The following AIG1 variants were observed in gnomAD, a reference collection of about 807,000 sequenced individuals.
AIG1 encodes androgen induced 1.
A neutral mutation model predicts 31.4 loss-of-function variants in AIG1; 23 were observed. That is an observed-to-expected ratio of 0.73 (90% CI 0.53 to 1.04). AIG1 has a LOEUF of 1.04. Among genes scored for constraint, AIG1 ranks in the 50% least tolerant of loss-of-function variants. AIG1 has a pLI of 0.00. For missense variants in AIG1, 274 were observed against 295.0 expected, an observed-to-expected ratio of 0.93 and a Z score of 0.52; for synonymous variants, 100 against 110.5, an observed-to-expected ratio of 0.90 and a Z score of 0.60.
chr6:143,220,975 G>T (rs1292530317), intron 3 of AIG1, among the ~76,000 whole-genome samples: 1 of 152,016 alleles, frequency 6.6e-6, no homozygotes, highest in African/African-American at 2.4e-5. Context: ...TTGGGGTCTG[G>T]ATATCACTAG....
chr6:143,245,371 G>C (rs1287520677), intron 3 of AIG1, among the ~76,000 whole-genome samples: 1 of 152,170 alleles, frequency 6.6e-6, no homozygotes, highest in African/African-American at 2.4e-5. Context: ...TTCCAGAGAA[G>C]ATTTTGAGTG....
intron 4 of AIG1, among the ~76,000 whole-genome samples, chr6:143,289,629 T>G (rs1259402100): frequency 1.3e-5 from 2 of 152,212 alleles, no homozygotes; most frequent in African/African-American, 4.8e-5. Flanking sequence ...CAAAATTTGA[T>G]TATCTCCTAA....
intron 2 of AIG1, among the ~76,000 whole-genome samples, chr6:143,149,532 CAAA>C (rs71767812): frequency 2.5e-5 from 1 of 40,016 alleles, no homozygotes; most frequent in African/African-American, 9.0e-5. Flanking sequence ...GACTCTGTCT[CAAA>C]AAAAAAAAAA....
intron 2 of AIG1, among the ~76,000 whole-genome samples, chr6:143,148,378 A>T (rs2128542018): frequency 6.7e-6 from 1 of 148,984 alleles, no homozygotes; most frequent in South Asian, 2.1e-4. Context: ...GTGTGGTGGC[A>T]CACGCCTGTA....
intron 3 of AIG1, among the ~76,000 whole-genome samples, chr6:143,244,271 G>A (rs1794457477): frequency 6.6e-6 from 1 of 152,194 alleles, no homozygotes; most frequent in African/African-American, 2.4e-5. Flanking sequence ...ATCAATCAAG[G>A]TAGACAAGGG....
At chr6:143,146,844 C>T (rs934432341) in intron 2 of AIG1, among the ~76,000 whole-genome samples, 2 of 152,142 alleles carry the variant, frequency 1.3e-5, no homozygotes, top group African/African-American at 4.8e-5. Flanking sequence ...GCTTATTTTA[C>T]CACAAATAGC....
downstream of AIG1, among the ~76,000 whole-genome samples, chr6:143,342,022 T>C (rs926321471): frequency 6.6e-5 from 10 of 152,188 alleles, no homozygotes; most frequent in African/African-American, 2.4e-4. Context: ...GCCTCCCTGG[T>C]TCAAACGATT....
downstream of AIG1, chr6:143,342,126 G>A (rs1320497652): frequency 4.2e-6 from 2 of 470,840 alleles, no homozygotes; most frequent in South Asian, 2.8e-5. Flanking sequence ...GTTTCTCCAT[G>A]TTGGTCAGGC....
chr6:143,167,279 C>A (rs1210678167), intron 3 of AIG1, among the ~76,000 whole-genome samples: 1 of 152,174 alleles, frequency 6.6e-6, no homozygotes, highest in African/African-American at 2.4e-5. Context: ...AAATAGTATC[C>A]TTTGTGATAT....
chr6:143,136,810 C>T (rs1218226005), intron 1 of AIG1, 25 bp from the exon 2 acceptor site: 3 of 1,349,152 alleles, frequency 2.2e-6, no homozygotes, highest in African/African-American at 3.0e-5. Flanking sequence ...CTTAATGACT[C>T]ATACCGGCTG....
At chr6:143,301,729 C>A (rs1256130585) in intron 4 of AIG1, among the ~76,000 whole-genome samples, 1 of 152,168 alleles carries the variant, frequency 6.6e-6, no homozygotes, top group Non-Finnish European at 1.5e-5. Context: ...ATTATCTTTA[C>A]ATGGTCCCTC....
chr6:143,203,204 G>T (rs1482002500), intron 3 of AIG1, among the ~76,000 whole-genome samples: 4 of 152,150 alleles, frequency 2.6e-5, no homozygotes, highest in Admixed American at 2.0e-4. Context: ...CTTGGAAATG[G>T]CTGTAGTTTC....
intron 3 of AIG1, among the ~76,000 whole-genome samples, chr6:143,276,957 G>A (rs1796967044): frequency 6.6e-6 from 1 of 152,084 alleles, no homozygotes; most frequent in South Asian, 2.1e-4. Context: ...GCAGATCCAC[G>A]TTGATTCTCT....
At chr6:143,201,619 C>T (rs1415777159) in intron 3 of AIG1, among the ~76,000 whole-genome samples, 1 of 152,222 alleles carries the variant, frequency 6.6e-6, no homozygotes, top group African/African-American at 2.4e-5. Context: ...CTGAGAGATG[C>T]AGATGTTGCT....
intron 3 of AIG1, among the ~76,000 whole-genome samples, chr6:143,237,577 G>T (rs1328573842): frequency 6.6e-6 from 1 of 152,056 alleles, no homozygotes; most frequent in African/African-American, 2.4e-5. Context: ...GCATGTCCTG[G>T]CCAAATCATT....
intron 1 of AIG1, among the ~76,000 whole-genome samples, chr6:143,083,534 G>A (rs1357335369): frequency 6.6e-6 from 1 of 152,182 alleles, no homozygotes; most frequent in Non-Finnish European, 1.5e-5. Flanking sequence ...ATAAGGGTTA[G>A]GTACAGCTGG....
chr6:143,343,107 C>T, downstream of AIG1: 1 of 770,024 alleles, frequency 1.3e-6, no homozygotes, highest in East Asian at 2.4e-5. Context: ...CAGCTGTCCG[C>T]ACTAAGATCC....
Position 143,254,444 on chromosome 6 carries a change from G to A in AIG1, c.400-29666G>A, listed in dbSNP as rs76287074. ...GACACTTGAACAGTTAGATCCCACC[G>A]CGAGGCAAAGTCCTAGACATCCTGG... On this transcript the variant is annotated intron_variant, in intron 3 of 5. Coordinates refer to ENST00000357847, the MANE Select transcript of AIG1 (RefSeq NM_016108.4). Among the ~76,000 whole-genome samples, 1,132 of 152,248 alleles carry A rather than the reference G, an allele frequency of 7.4e-3. 14 individuals carry two copies. Among genetic ancestry groups the A allele is most frequent in the African/African-American group, 0.026 (1,080 of 41,520 alleles).
intron 1 of AIG1, among the ~76,000 whole-genome samples, chr6:143,066,112 AC>A (rs1463383310): frequency 2.0e-5 from 3 of 152,132 alleles, no homozygotes; most frequent in Admixed American, 6.5e-5. Context: ...CTCCAGCTCC[AC>A]CCCAGAGCTT....
Sources: allele counts gnomAD v4.1 joint callset (sites outside exome capture counted in the v4.1 genomes callset), GRCh38; gene constraint gnomAD v4.1.1; transcripts MANE v1.5; gene names NCBI Gene and HGNC (gene_info 2026-07-23, HGNC 2026-07-21).